Variants in NRXN3 observed in about 807,000 individuals in gnomAD.
NRXN3 encodes the protein neurexin III.
Under a neutral mutation model 137.6 loss-of-function variants are expected in NRXN3, and 32 were observed. That is an observed-to-expected ratio of 0.23 (90% CI 0.18 to 0.31). NRXN3 has a LOEUF of 0.31. Among genes scored for constraint, NRXN3 ranks in the 10% least tolerant of loss-of-function variants. The pLI is 1.00. For synonymous variants in NRXN3, 798 were observed against 784.5 expected, an observed-to-expected ratio of 1.02 and a Z score of -0.29; for missense variants, 1,574 against 2,062.5, an observed-to-expected ratio of 0.76 and a Z score of 4.59.
At chr14:78,262,520 T>A (rs1395279663) in intron 2 of NRXN3, among the ~76,000 whole-genome samples, 2 of 152,144 alleles carry the variant, frequency 1.3e-5, no homozygotes, top group Non-Finnish European at 2.9e-5. Flanking sequence ...CTTGAGAAAC[T>A]TATTGCTCGA....
intron 2 of NRXN3, among the ~76,000 whole-genome samples, chr14:78,274,011 A>G (rs1386998457): frequency 6.6e-6 from 1 of 152,178 alleles, no homozygotes; most frequent in Non-Finnish European, 1.5e-5. Context: ...TGCTCCCCAG[A>G]GCTCTTCCAG....
intron 15 of NRXN3, among the ~76,000 whole-genome samples, chr14:79,040,277 T>C (rs986536168): frequency 2.0e-4 from 31 of 152,178 alleles, no homozygotes; most frequent in African/African-American, 7.2e-4. Flanking sequence ...CAATAGTTGT[T>C]CTAAAAATTA....
chr14:78,682,337 A>C (rs1000169463), intron 6 of NRXN3, among the ~76,000 whole-genome samples: 1 of 151,532 alleles, frequency 6.6e-6, no homozygotes, highest in African/African-American at 2.4e-5. Flanking sequence ...TATCAGCAGT[A>C]GGATGTTTGG....
chr14:79,046,614 A>G (rs2099633470), intron 15 of NRXN3, among the ~76,000 whole-genome samples: 1 of 152,196 alleles, frequency 6.6e-6, no homozygotes, highest in Non-Finnish European at 1.5e-5. Context: ...TGCAAAAAAC[A>G]TGAGACTTTC....
At chr14:79,033,507 T>C (rs10146527) in intron 15 of NRXN3, among the ~76,000 whole-genome samples, 57,903 of 151,876 alleles carry the variant, frequency 0.38, 11,576 homozygotes, top group Admixed American at 0.49. Flanking sequence ...CAGATGTTCA[T>C]AGGTATATCT....
chr14:78,861,972 C>T (rs781415841), intron 10 of NRXN3, among the ~76,000 whole-genome samples: 9 of 152,002 alleles, frequency 5.9e-5, no homozygotes, highest in East Asian at 1.9e-4. Flanking sequence ...TAGGCACTGA[C>T]GATATTAAAG....
intron 15 of NRXN3, among the ~76,000 whole-genome samples, chr14:79,048,807 G>A (rs1445912729): frequency 6.7e-6 from 1 of 149,566 alleles, no homozygotes; most frequent in Non-Finnish European, 1.5e-5. Context: ...GGCGGATCAC[G>A]AGGTCAGGAG....
chr14:78,376,523 C>T (rs1316915000), intron 4 of NRXN3, among the ~76,000 whole-genome samples: 1 of 152,162 alleles, frequency 6.6e-6, no homozygotes. Flanking sequence ...TATAAGAAGA[C>T]TCTGAAACAT....
chr14:79,358,404 A>C (rs1311605490), intron 15 of NRXN3, among the ~76,000 whole-genome samples: 1 of 151,716 alleles, frequency 6.6e-6, no homozygotes, highest in Admixed American at 6.6e-5. Context: ...CCCCGTCTCT[A>C]CTAAAAATAC....
chr14:79,680,551 GC>G (rs940907909), intron 17 of NRXN3, among the ~76,000 whole-genome samples: 1 of 151,948 alleles, frequency 6.6e-6, no homozygotes, highest in African/African-American at 2.4e-5. Context: ...GTGGAGGAGT[GC>G]CTTTCTAGTC....
chr14:79,813,426 G>A lies in NRXN3; in HGVS notation c.4093+8236G>A, dbSNP rs367778258. 4.6e-3 allele frequency among the ~76,000 whole-genome samples: 698 copies of A among 151,966 alleles called. 43 individuals are homozygous for A. In the South Asian group the frequency reaches 0.13, roughly 28 times the overall value. ...TCTTGTGCCGCATGAATTTTTGGTG[G>A]TTCAATTTATTTTGTTTTCATATTT... is the stretch of plus-strand genomic sequence containing the variant. On this transcript the variant is annotated intron_variant, in intron 20 of 20. Coordinates refer to ENST00000335750, the MANE Select transcript of NRXN3 (RefSeq NM_001330195.2).
At chr14:79,041,692 C>T (rs575244370) in intron 15 of NRXN3, among the ~76,000 whole-genome samples, 9 of 152,202 alleles carry the variant, frequency 5.9e-5, no homozygotes, top group Non-Finnish European at 1.0e-4. Flanking sequence ...TAAACTTAAG[C>T]AGGAAGGTGC....
chr14:79,506,085 A>G (rs1253054350), intron 16 of NRXN3, among the ~76,000 whole-genome samples: 1 of 152,236 alleles, frequency 6.6e-6, no homozygotes, highest in Non-Finnish European at 1.5e-5. Flanking sequence ...AGCCAGCAAC[A>G]GAGACTAAAT....
chr14:79,691,789 C>T (rs1032899169), intron 17 of NRXN3, among the ~76,000 whole-genome samples: 4 of 151,936 alleles, frequency 2.6e-5, no homozygotes, highest in African/African-American at 7.3e-5. Flanking sequence ...GCGAGGGTCC[C>T]GTCTCACATG....
At chr14:78,846,441 A>G (rs1024693925) in intron 10 of NRXN3, among the ~76,000 whole-genome samples, 10 of 152,126 alleles carry the variant, frequency 6.6e-5, no homozygotes, top group Non-Finnish European at 1.5e-4. Flanking sequence ...GTTCTTTACA[A>G]TCTCTGCTGC....
intron 15 of NRXN3, among the ~76,000 whole-genome samples, chr14:79,388,372 T>G (rs2094716089): frequency 6.6e-6 from 1 of 152,308 alleles, no homozygotes; most frequent in East Asian, 1.9e-4. Flanking sequence ...CAGTGGCTTT[T>G]TTTTTCTTTT....
chr14:78,786,742 T>C (rs1270274037), intron 8 of NRXN3, among the ~76,000 whole-genome samples: 1 of 152,194 alleles, frequency 6.6e-6, no homozygotes, highest in East Asian at 1.9e-4. Context: ...TATATATACT[T>C]ATGTATATGT....
chr14:78,308,715 C>A (rs2077621837), intron 4 of NRXN3, among the ~76,000 whole-genome samples: 1 of 151,974 alleles, frequency 6.6e-6, no homozygotes, highest in South Asian at 2.1e-4. Flanking sequence ...AAAAATAAAT[C>A]TCAAACCTCA....
At chr14:79,170,303 T>TA (rs1457573441) in intron 15 of NRXN3, among the ~76,000 whole-genome samples, 1 of 152,120 alleles carries the variant, frequency 6.6e-6, no homozygotes, top group Non-Finnish European at 1.5e-5. Flanking sequence ...ACAAATTATT[T>TA]AACTTCCTTA....
Sources: gnomAD v4.1 joint callset for allele counts (sites outside exome capture counted in the v4.1 genomes callset) on GRCh38, gnomAD v4.1.1 for gene constraint, MANE v1.5 for transcripts, NCBI Gene and HGNC (gene_info 2026-07-23, HGNC 2026-07-21) for gene names.